Variants in PDZD2 observed in about 807,000 individuals in gnomAD.
PDZD2 encodes the protein PDZ domain-containing protein 2.
Under a neutral mutation model 220.7 loss-of-function variants are expected in PDZD2, and 90 were observed. The ratio of observed to expected loss-of-function variants is 0.41; its 90% CI spans 0.34 to 0.49. The LOEUF is 0.49. Ranked by LOEUF, PDZD2 falls within the 20% of genes least tolerant of loss-of-function variation. The probability of loss-of-function intolerance (pLI) is 0.28; values close to 1 mark genes in which losing one functional copy is unlikely to be tolerated. For missense variants in PDZD2, 3,174 were observed against 3,608.5 expected, an observed-to-expected ratio of 0.88 and a Z score of 3.08; for synonymous variants, 1,375 against 1,450.5, an observed-to-expected ratio of 0.95 and a Z score of 1.18.
At chr5:31,890,277 G>A (rs758170739) in intron 2 of PDZD2, among the ~76,000 whole-genome samples, 6 of 151,870 alleles carry the variant, frequency 4.0e-5, no homozygotes, top group Non-Finnish European at 7.4e-5. Context: ...GAAATGTGAC[G>A]CACATGACCC....
intron 2 of PDZD2, among the ~76,000 whole-genome samples, chr5:31,926,541 A>AAAAG (rs1177422896): frequency 6.7e-6 from 1 of 149,230 alleles, no homozygotes; most frequent in Non-Finnish European, 1.5e-5. Context: ...AAAAAAAAAA[A>AAAAG]AAAAGAAAAT....
At chr5:31,803,080 G>A (rs1439126688) in intron 2 of PDZD2, among the ~76,000 whole-genome samples, 1 of 148,770 alleles carries the variant, frequency 6.7e-6, no homozygotes, top group Non-Finnish European at 1.5e-5. Flanking sequence ...ATGGCCCAGA[G>A]CCTTTATTTT....
At chr5:31,945,468 A>G (rs1318707527) in intron 2 of PDZD2, among the ~76,000 whole-genome samples, 2 of 151,874 alleles carry the variant, frequency 1.3e-5, no homozygotes, top group African/African-American at 4.8e-5. Flanking sequence ...TTCTGGGGAG[A>G]GAGGTGGTTG....
intron 1 of PDZD2, among the ~76,000 whole-genome samples, chr5:31,655,365 G>T (rs1185724005): frequency 6.6e-6 from 1 of 151,996 alleles, no homozygotes; most frequent in Non-Finnish European, 1.5e-5. Flanking sequence ...GTAGAGACGG[G>T]GTTTCACCAT....
chr5:31,683,329 T>G (rs753103956), intron 1 of PDZD2, among the ~76,000 whole-genome samples: 3 of 152,200 alleles, frequency 2.0e-5, no homozygotes, highest in African/African-American at 7.2e-5. Flanking sequence ...GATCATATTC[T>G]TTGAAGTTTT....
chr5:31,774,782 G>C (rs1752543436), intron 1 of PDZD2, among the ~76,000 whole-genome samples: 1 of 151,880 alleles, frequency 6.6e-6, no homozygotes, highest in South Asian at 2.1e-4. Context: ...AAAACAGTTA[G>C]TGTTTTAATG....
At chr5:32,004,063 C>T (rs1338972060) in intron 5 of PDZD2, among the ~76,000 whole-genome samples, 1 of 150,160 alleles carries the variant, frequency 6.7e-6, no homozygotes, top group Non-Finnish European at 1.5e-5. Flanking sequence ...TTTGTCAAGT[C>T]GTTATCCAGA....
intron 1 of PDZD2, among the ~76,000 whole-genome samples, chr5:31,641,602 A>C (rs1456920629): frequency 6.6e-6 from 1 of 151,450 alleles, no homozygotes; most frequent in African/African-American, 2.4e-5. Context: ...CAATCCTCCC[A>C]CCTCAGCCTC....
At chr5:31,838,828 G>A (rs1192347813) in intron 2 of PDZD2, among the ~76,000 whole-genome samples, 3 of 152,216 alleles carry the variant, frequency 2.0e-5, no homozygotes, top group Non-Finnish European at 4.4e-5. Context: ...CCAGGTCTGT[G>A]AACACATTCT....
Position 31,799,555 on chromosome 5 carries a change from G to A in PDZD2, c.307G>A (p.Gly103Ser). The A allele has an allele frequency of 6.2e-7, 1 of 1,614,138 alleles. No individual in the cohort carries two copies. The highest frequency in any genetic ancestry group is 8.5e-7 in the Non-Finnish European group (1 of 1,179,992). Residue 103 changes from glycine (G) to serine (S), a missense_variant, in exon 2 of 25, where the codon GGC (glycine) becomes AGC (serine). Coordinates refer to ENST00000438447, the MANE Select transcript of PDZD2 (RefSeq NM_178140.4). ...GGACTATGGTGAAAAGCGCAGGGGGGGCAAGAAGAGGAAAACCCACCAGGG... is the reference window on the plus strand; with the variant it reads ...GGACTATGGTGAAAAGCGCAGGGGGAGCAAGAAGAGGAAAACCCACCAGGG... ...FGDYGEKRRGGKKRKTHQGPV... is the reference protein window; with the variant it reads ...FGDYGEKRRGSKKRKTHQGPV...
chr5:31,658,255 C>T (rs1159738903), intron 1 of PDZD2, among the ~76,000 whole-genome samples: 1 of 152,126 alleles, frequency 6.6e-6, no homozygotes, highest in African/African-American at 2.4e-5. Context: ...CTGTCTCCTC[C>T]CTCCCTCTCA....
intron 1 of PDZD2, among the ~76,000 whole-genome samples, chr5:31,721,916 C>G (rs1212501543): frequency 2.0e-5 from 3 of 152,100 alleles, no homozygotes; most frequent in Admixed American, 2.0e-4. Context: ...TTCCTCATCT[C>G]CATAAATTGC....
rs200801339 is a variant in PDZD2, at chr5:31,689,336, C to CATATATATATAT, written c.-361+49906_-361+49917dup. ...ACATATACACATATATATACATATA[C>CATATATATATAT]ATATATATATATATATATTTTTTTT... On this transcript the variant is annotated intron_variant, in intron 1 of 24. Coordinates refer to ENST00000438447, the MANE Select transcript of PDZD2 (RefSeq NM_178140.4). Among the ~76,000 whole-genome samples, 16 of 55,224 alleles carry CATATATATATAT rather than the reference C, an allele frequency of 2.9e-4. 1 individual carries two copies. Among genetic ancestry groups the CATATATATATAT allele is most frequent in the Non-Finnish European group, 3.7e-4 (13 of 35,562 alleles). 36.2% of individuals were successfully genotyped at this position (55,224 alleles called of 152,430 possible).
chr5:31,975,231 G>A (rs1749641853), intron 2 of PDZD2, among the ~76,000 whole-genome samples: 1 of 152,206 alleles, frequency 6.6e-6, no homozygotes, highest in Non-Finnish European at 1.5e-5. Context: ...CCATGTGGCT[G>A]AGGAGGCCTC....
At chr5:32,075,924 A>G (rs549352501) in intron 18 of PDZD2, among the ~76,000 whole-genome samples, 5 of 152,158 alleles carry the variant, frequency 3.3e-5, no homozygotes, top group Admixed American at 2.0e-4. Context: ...CTCAAATATC[A>G]TATTTTACCT....
At chr5:31,968,939 GC>G (rs1463124007) in intron 2 of PDZD2, among the ~76,000 whole-genome samples, 2 of 152,174 alleles carry the variant, frequency 1.3e-5, no homozygotes, top group African/African-American at 4.8e-5. Flanking sequence ...AGTGTTTGGA[GC>G]TTTTGTTAAT....
chr5:31,672,300 C>T (rs1445610142), intron 1 of PDZD2, among the ~76,000 whole-genome samples: 1 of 152,174 alleles, frequency 6.6e-6, no homozygotes, highest in African/African-American at 2.4e-5. Flanking sequence ...TTGCCCTCCT[C>T]GCCAAAGCTG....
At chr5:31,971,071 A>G (rs142299630) in intron 2 of PDZD2, among the ~76,000 whole-genome samples, 1 of 152,166 alleles carries the variant, frequency 6.6e-6, no homozygotes, top group African/African-American at 2.4e-5. Flanking sequence ...ATGACTGCTC[A>G]CTCCATCCTT....
chr5:31,777,216 G>A (rs1752719801), intron 1 of PDZD2, among the ~76,000 whole-genome samples: 2 of 152,162 alleles, frequency 1.3e-5, no homozygotes, highest in South Asian at 4.1e-4. Context: ...AGGTGCCACT[G>A]GCCCCGGGCA....
Sources: gnomAD v4.1 joint callset for allele counts (sites outside exome capture counted in the v4.1 genomes callset) on GRCh38, gnomAD v4.1.1 for gene constraint, MANE v1.5 for transcripts, NCBI Gene and HGNC (gene_info 2026-07-23, HGNC 2026-07-21) for gene names.